The following AGO2 variants were observed in gnomAD, a reference collection of about 807,000 sequenced individuals.
AGO2 encodes argonaute RISC catalytic component 2.
AGO2 carries 5 observed loss-of-function variants against 102.3 expected under a neutral mutation model. The observed-to-expected ratio is 0.05, with a 90% confidence interval of 0.03 to 0.10. AGO2 has a LOEUF of 0.10. Among genes scored for constraint, AGO2 ranks in the 10% least tolerant of loss-of-function variants. The pLI is 1.00. For synonymous variants in AGO2, 449 were observed against 473.1 expected (o/e 0.95, Z 0.66); for missense variants, 541 against 1,183.7 (o/e 0.46, Z 7.97).
intron 3 of AGO2, among the ~76,000 whole-genome samples, chr8:140,570,523 C>T (rs2073361572): frequency 6.6e-6 from 1 of 152,168 alleles, no homozygotes; most frequent in Admixed American, 6.5e-5. Context: ...AGCCACTGCA[C>T]CTAGCCTTAA....
chr8:140,599,680 C>T (rs1250858492), intron 1 of AGO2, among the ~76,000 whole-genome samples: 1 of 152,182 alleles, frequency 6.6e-6, no homozygotes, highest in African/African-American at 2.4e-5. Flanking sequence ...ATATGATCTA[C>T]ATCTCTTCAC....
At chr8:140,596,346 G>A (rs765894960) in intron 1 of AGO2, among the ~76,000 whole-genome samples, 2 of 152,226 alleles carry the variant, frequency 1.3e-5, no homozygotes, top group African/African-American at 2.4e-5. Flanking sequence ...CATTTTGGGA[G>A]GCCAAGGCGG....
chr8:140,597,709 G>A (rs2073869486), intron 1 of AGO2, among the ~76,000 whole-genome samples: 1 of 151,396 alleles, frequency 6.6e-6, no homozygotes, highest in Non-Finnish European at 1.5e-5. Context: ...AAAAAAAAAA[G>A]ACATCAAAAA....
At chr8:140,613,247 C>G (rs530966824) in intron 1 of AGO2, among the ~76,000 whole-genome samples, 1 of 152,068 alleles carries the variant, frequency 6.6e-6, no homozygotes, top group Non-Finnish European at 1.5e-5. Flanking sequence ...ATATCCCTGT[C>G]GACAGAATGC....
chr8:140,532,001 C>T lies in AGO2; in HGVS notation c.*43G>A, dbSNP rs1395568568. On this transcript the variant is annotated 3_prime_UTR_variant, in exon 19 of 19. Transcript: ENST00000220592. ...CTGTTGGTCTGAGTGTAGCTGGTCT[C>T]GTGAATCCCACTCGGTACACAATCG... 14 of 1,572,588 alleles carry T rather than the reference C, an allele frequency of 8.9e-6. No individual in the cohort carries two copies. Among genetic ancestry groups the T allele is most frequent in the African/African-American group, 2.7e-5 (2 of 74,084 alleles).
intron 8 of AGO2, 95 bp downstream of exon 8, chr8:140,556,994 G>C (rs1451146474): frequency 4.0e-6 from 6 of 1,492,356 alleles, no homozygotes; most frequent in Admixed American, 2.1e-5. Context: ...ATTTGTATCT[G>C]ACTGGGGCCT....
Position 140,551,407 on chromosome 8 carries a change from G to A in AGO2, c.1299C>T (p.Gly433=), listed in dbSNP as rs766640084. 3.2e-6 allele frequency: 5 copies of A among 1,587,250 alleles called. No homozygotes were observed. The African/African-American group carries it at 4.0e-5, about 13-fold the overall frequency. Residue 433 remains glycine, a synonymous_variant, in exon 11 of 19, where the codon GGC becomes GGT. Coordinates refer to ENST00000220592, the MANE Select transcript of AGO2 (RefSeq NM_012154.5). ...RNKAIATPVQ[G]VWDMRNKQFH... ...ACTGCTTGTTCCGCATGTCCCAGAC[G>A]CCCTGGACAGGGGTCGCAATAGCTT... is the stretch of plus-strand genomic sequence containing the variant.
At chr8:140,590,938 C>T (rs1172736839) in intron 1 of AGO2, among the ~76,000 whole-genome samples, 1 of 152,218 alleles carries the variant, frequency 6.6e-6, no homozygotes, top group Non-Finnish European at 1.5e-5. Context: ...CTCCTGTGGG[C>T]ATGGGGACAC....
intron 1 of AGO2, among the ~76,000 whole-genome samples, chr8:140,619,043 C>T (rs1451084623): frequency 5.3e-5 from 8 of 151,808 alleles, no homozygotes; most frequent in South Asian, 2.1e-4. Context: ...GGGGTCAGGG[C>T]GGCTCCTCCG....
rs2072541974 is a variant in AGO2, at chr8:140,528,712, T to G, written c.*3332A>C. On this transcript the variant is annotated 3_prime_UTR_variant, in exon 19 of 19. Transcript: ENST00000220592. The surrounding 1 kb of genome is among the most constrained non-coding windows in gnomAD (Gnocchi z 4.5). ...TGCTTGAACCAGAGAAAACCAAAAC[T>G]TAAGGAAAACGATCCCTTTCTAAAA... 6.6e-6 allele frequency: 1 copy of G among 152,128 alleles called. No homozygotes were observed. The highest frequency in any genetic ancestry group is 2.1e-4 in the South Asian group (1 of 4,818). 9.4% of individuals were successfully genotyped at this position (152,128 alleles called of 1,614,324 possible). A position where few individuals can be genotyped will look rare whatever the true frequency, so the allele number is the denominator to read the frequency against.
Position 140,532,589 on chromosome 8 carries a change from G to A in AGO2, c.2298C>T (p.His766=), listed in dbSNP as rs781443726. 33 of 1,614,152 alleles carry A rather than the reference G, an allele frequency of 2.0e-5. No homozygotes were observed. The highest frequency in any genetic ancestry group is 4.4e-5 in the South Asian group (4 of 91,096). The change falls in exon 18 of 19, where the codon CAC becomes CAT. Residue 766 remains histidine, a synonymous_variant. Coordinates refer to ENST00000220592, the MANE Select transcript of AGO2 (RefSeq NM_012154.5). ...IQGTSRPSHY[H]VLWDDNRFSS... ...AGAAACGATTGTCGTCCCAGAGGAC[G>A]TGATAGTGCGAAGGCCTGCTTGTCC...
At chr8:140,610,487 G>C (rs2074061199) in intron 1 of AGO2, among the ~76,000 whole-genome samples, 1 of 152,214 alleles carries the variant, frequency 6.6e-6, no homozygotes, top group Admixed American at 6.5e-5. Flanking sequence ...CCAAAGTGCT[G>C]GGATTACAGG....
intron 1 of AGO2, among the ~76,000 whole-genome samples, chr8:140,627,875 A>G (rs928197831): frequency 6.6e-6 from 1 of 152,022 alleles, no homozygotes; most frequent in African/African-American, 2.4e-5. Context: ...GGGACACCCA[A>G]CACGCGATCT....
rs1022646096 is a variant in AGO2 at position 140,540,539 on chromosome 8, T to C, written c.2034+625A>G. Among the ~76,000 whole-genome samples, 20 of 152,096 alleles carry C rather than the reference T, an allele frequency of 1.3e-4. No individual in the cohort carries two copies. Among genetic ancestry groups the C allele is most frequent in the African/African-American group, 4.3e-4 (18 of 41,406 alleles). On this transcript the variant is annotated intron_variant, in intron 15 of 18. Transcript: ENST00000220592. The surrounding 1 kb of genome is among the most constrained non-coding windows in gnomAD (Gnocchi z 5.0). ...AGATGGACTCATTCCTGCCCACAGG[T>C]CACCTTGATCTGGGGGTGCTGCGTG...
chr8:140,565,213 G>C (rs1053451302), intron 3 of AGO2, among the ~76,000 whole-genome samples: 3 of 152,122 alleles, frequency 2.0e-5, no homozygotes, highest in Non-Finnish European at 4.4e-5. Context: ...GCTGAGGTGG[G>C]GGGATCACGA....
chr8:140,580,003 G>GCCCACCTCCTCCTCGC (rs1564098078), intron 2 of AGO2, among the ~76,000 whole-genome samples: 1 of 151,858 alleles, frequency 6.6e-6, no homozygotes, highest in East Asian at 1.9e-4. Flanking sequence ...GAAGGGAGAG[G>GCCCACCTCCTCCTCGC]AGCCCACCTC....
intron 10 of AGO2, among the ~76,000 whole-genome samples, chr8:140,555,058 G>T (rs1479544796): frequency 6.6e-6 from 1 of 152,208 alleles, no homozygotes; most frequent in Non-Finnish European, 1.5e-5. Context: ...TACAGGTCTT[G>T]AGGATGAGAA....
chr8:140,550,463 G>C (rs1003092061), intron 11 of AGO2, among the ~76,000 whole-genome samples: 2 of 152,200 alleles, frequency 1.3e-5, no homozygotes, highest in South Asian at 2.1e-4. Flanking sequence ...GTGAGGGCAG[G>C]CCCTTCCACA....
rs578245135 is a variant in AGO2, at chr8:140,539,863, C to T, written c.2035-409G>A. On this transcript the variant is annotated intron_variant, in intron 15 of 18. Transcript: ENST00000220592. This position sits in a 1 kb window ranked among gnomAD's most constrained non-coding sequence, Gnocchi z 4.7. The stretch of plus-strand genomic sequence containing the variant: ...CAGGACTTTGGGAGGCCGAGTTGGG[C>T]GGATCACAAGATCAAGAGATCGAGA... Among the ~76,000 whole-genome samples the T allele has an allele frequency of 5.9e-5, 9 of 152,238 alleles. No individual in the cohort carries two copies. The highest frequency in any genetic ancestry group is 1.7e-4 in the African/African-American group (7 of 41,548).
Sources: allele counts gnomAD v4.1 joint callset (sites outside exome capture counted in the v4.1 genomes callset), GRCh38; gene constraint gnomAD v4.1.1; non-coding constraint Gnocchi (gnomAD v3.1); transcripts MANE v1.5; gene names NCBI Gene and HGNC (gene_info 2026-07-23, HGNC 2026-07-21).